ARHGEF18: variants seen among roughly 807,000 people sequenced by gnomAD.
ARHGEF18 encodes the protein rho guanine nucleotide exchange factor 18.
A neutral mutation model predicts 155.7 loss-of-function variants in ARHGEF18; 93 were observed. The observed-to-expected ratio is 0.60, with a 90% CI of 0.50 to 0.71. The LOEUF is 0.71. ARHGEF18 is among the 30% of genes least tolerant of loss of function. The pLI is 0.00. For missense variants in ARHGEF18, 1,593 were observed against 1,816.1 expected (o/e 0.88, Z 2.23); for synonymous variants, 742 against 753.1 (o/e 0.99, Z 0.24).
chr19:7,379,019 T>C (rs1970599546), intron 6 of ARHGEF18, 103 bp from the exon 7 acceptor site: 2 of 1,027,266 alleles, frequency 1.9e-6, no homozygotes, highest in Non-Finnish European at 2.5e-6. Flanking sequence ...AGGGTCTGCA[T>C]CAGGACCTGA....
intron 10 of ARHGEF18, among the ~76,000 whole-genome samples, chr19:7,391,401 C>T (rs1971393035): frequency 6.6e-6 from 1 of 152,130 alleles, no homozygotes; most frequent in African/African-American, 2.4e-5. Flanking sequence ...GAACAGACAC[C>T]ACGCCAGACA....
In ARHGEF18 at chr19:7,444,248, A is replaced by G. The variant is rs763146269; in HGVS notation, c.1405A>G (p.Met469Val). The G allele has an allele frequency of 6.2e-6, 10 of 1,613,516 alleles. No individual in the cohort carries two copies. Among genetic ancestry groups the G allele is most frequent in the Non-Finnish European group, 8.5e-6 (10 of 1,180,024 alleles). The stretch of plus-strand genomic sequence containing the variant: ...GCACCACGTGCGGACGCTCAAGATC[A>G]TGCTGAAGGTGTACTCCAGGGCCCT... ...EVHHVRTLKI[M>V]LKVYSRALQE... The change falls in exon 14 of 29, where the codon ATG becomes GTG. Residue 469 changes from methionine to valine, a missense_variant. Physicochemically the swap from Met to Val is conservative, Grantham distance 21. Coordinates refer to ENST00000668164, the MANE Select transcript of ARHGEF18 (RefSeq NM_001367823.1). This position sits in a 1 kb window ranked among gnomAD's most constrained non-coding sequence, Gnocchi z 4.7.
Position 7,451,138 on chromosome 19 carries a change from C to T in ARHGEF18, c.1738-11C>T, listed in dbSNP as rs199982829. The T allele has an allele frequency of 1.2e-6, 2 of 1,612,536 alleles. No homozygotes were observed. The highest frequency in any genetic ancestry group is 1.6e-4 in the Middle Eastern group (1 of 6,062). ...AGATGTTAATACAGGATCTTGCTTT[C>T]TGTTTCCTAGAAAATTGGCAACTTC... On this transcript the variant is annotated splice_polypyrimidine_tract_variant and intron_variant, in intron 15 of 28. Transcript: ENST00000668164.
At chr19:7,358,240 T>TCCATCCATCCATCCAC (rs1568261553) in intron 1 of ARHGEF18, among the ~76,000 whole-genome samples, 5 of 148,860 alleles carry the variant, frequency 3.4e-5, no homozygotes, top group East Asian at 2.0e-4. Context: ...CATCCATCCA[T>TCCATCCATCCATCCAC]CCACCCATCC....
At chr19:7,414,058 C>G (rs1972848678) in intron 10 of ARHGEF18, among the ~76,000 whole-genome samples, 1 of 152,048 alleles carries the variant, frequency 6.6e-6, no homozygotes, top group Admixed American at 6.6e-5. Context: ...TCAGGGTTTC[C>G]CAGCCTAGAT....
Position 7,362,071 on chromosome 19 carries a change from G to A in ARHGEF18, c.-110-710G>A, listed in dbSNP as rs867118139. ...GGAGAAGGAGAAGGAGAAGGAGAAG[G>A]AGAAGGAGAAGGAGAAGGAGAAGGA... On this transcript the variant is annotated intron_variant, in intron 1 of 28. Coordinates refer to ENST00000668164, the MANE Select transcript of ARHGEF18 (RefSeq NM_001367823.1). Among the ~76,000 whole-genome samples the A allele has an allele frequency of 8.6e-3, 374 of 43,496 alleles. 10 individuals are homozygous for A. The highest frequency in any genetic ancestry group is 0.078 in the East Asian group (119 of 1,534). 28.5% of individuals were successfully genotyped at this position (43,496 alleles called of 152,430 possible).
chr19:7,400,472 G>A (rs1213927525), intron 10 of ARHGEF18, among the ~76,000 whole-genome samples: 1 of 152,132 alleles, frequency 6.6e-6, no homozygotes, highest in Non-Finnish European at 1.5e-5. Context: ...ATTCTTATGG[G>A]TGGGTTTCAG....
At chr19:7,401,877 C>G (rs1972033286) in intron 10 of ARHGEF18, among the ~76,000 whole-genome samples, 1 of 152,150 alleles carries the variant, frequency 6.6e-6, no homozygotes, top group Non-Finnish European at 1.5e-5. Context: ...TCCCGCCATA[C>G]TGTGGAATAT....
chr19:7,376,763 C>T lies in ARHGEF18; in HGVS notation c.541+6C>T, dbSNP rs72992618. ...GCCCACTCCACCTGTTCAAGGTAGC[C>T]AGCCTGGGAGTTTCCTTCATTCAAA... On this transcript the variant is annotated splice_donor_region_variant and intron_variant, in intron 5 of 28. Coordinates refer to ENST00000668164, the MANE Select transcript of ARHGEF18 (RefSeq NM_001367823.1). The T allele has an allele frequency of 0.26, 315,340 of 1,232,972 alleles. 41,472 individuals carry two copies. Among genetic ancestry groups the T allele is most frequent in the Non-Finnish European group, 0.27 (266,272 of 986,992 alleles). 76.4% of individuals were successfully genotyped at this position (1,232,972 alleles called of 1,614,324 possible). A position where few individuals can be genotyped will look rare whatever the true frequency, so the allele number is the denominator to read the frequency against.
chr19:7,467,657 C>A lies in ARHGEF18; in HGVS notation c.3453C>A (p.Gly1151=). The change falls in exon 26 of 29, where the codon GGC becomes GGA. Residue 1151 remains glycine (G), a synonymous_variant. Coordinates refer to ENST00000668164, the MANE Select transcript of ARHGEF18 (RefSeq NM_001367823.1). ...TCAAGAAGCAGAACACCGCGCCAGG[C>A]GCGCTGCCGCCCGACACACTGGCCG... is the stretch of plus-strand genomic sequence containing the variant. ...RRLKKQNTAP[G]ALPPDTLAEA... The A allele has an allele frequency of 6.6e-7, 1 of 1,513,082 alleles. No homozygotes were observed. The highest frequency in any genetic ancestry group is 1.2e-5 in the South Asian group (1 of 81,726). 93.7% of individuals were successfully genotyped at this position (1,513,082 alleles called of 1,614,324 possible). A position where few individuals can be genotyped will look rare whatever the true frequency, so the allele number is the denominator to read the frequency against.
At chr19:7,460,990 T>C (rs955898350) in intron 20 of ARHGEF18, among the ~76,000 whole-genome samples, 4 of 151,994 alleles carry the variant, frequency 2.6e-5, no homozygotes, top group African/African-American at 9.7e-5. Flanking sequence ...GGTTTCACCA[T>C]GTTGGCCAGG....
rs1477819405 is a variant in ARHGEF18 at position 7,467,531 on chromosome 19, G to T, written c.3327G>T (p.Leu1109=). The change falls in exon 26 of 29, where the codon CTG becomes CTT. Residue 1109 remains leucine (L), a synonymous_variant. Transcript: ENST00000668164. ...GGCTGGAGCAGGAGCGGGCCGAGCT[G>T]GAGCGCCAGCGCCAGGCCTACCAGC... ...RERLEQERAE[L]ERQRQAYQHD... The T allele has an allele frequency of 1.4e-6, 2 of 1,444,898 alleles. No homozygotes were observed. The highest frequency in any genetic ancestry group is 9.0e-7 in the Non-Finnish European group (1 of 1,110,424). 89.5% of individuals were successfully genotyped at this position (1,444,898 alleles called of 1,614,324 possible).
At chr19:7,474,064 C>G (rs1306519052), downstream of ARHGEF18, among the ~76,000 whole-genome samples, 1 of 151,390 alleles carries the variant, frequency 6.6e-6, no homozygotes, top group Non-Finnish European at 1.5e-5. Flanking sequence ...AAGGGCTGGA[C>G]GCAGTGGCTC....
At chr19:7,372,628 T>C (rs1358729644) in intron 2 of ARHGEF18, among the ~76,000 whole-genome samples, 184 bp from the exon 3 acceptor site, 1 of 152,140 alleles carries the variant, frequency 6.6e-6, no homozygotes, top group Non-Finnish European at 1.5e-5. Context: ...GACAGGGGAC[T>C]GGGGGACTAC....
At position 7,420,522 on chromosome 19, in the gene ARHGEF18, G is replaced by A. The variant is rs529167931; in HGVS notation, c.968-19822G>A. 1.8e-4 allele frequency among the ~76,000 whole-genome samples: 28 copies of A among 152,302 alleles called. No individual in the cohort carries two copies. In the East Asian group the frequency reaches 4.8e-3, roughly 26 times the overall value. The stretch of plus-strand genomic sequence containing the variant: ...CCCACCTCGGCCTCCCAAAGTGCTG[G>A]GATTCCAGGCGTGAGCCCCCACGCC... On this transcript the variant is annotated intron_variant, in intron 10 of 28. Coordinates refer to ENST00000668164, the MANE Select transcript of ARHGEF18 (RefSeq NM_001367823.1).
chr19:7,463,786 G>A lies in ARHGEF18; in HGVS notation c.2636-32G>A, dbSNP rs750341778. 2.0e-5 allele frequency: 32 copies of A among 1,577,494 alleles called. No individual in the cohort carries two copies. Among genetic ancestry groups the A allele is most frequent in the Admixed American group, 1.4e-4 (8 of 55,278 alleles). ...TTCCCCCAGCACACTTCCGCAGGGC[G>A]ACCCGTGCCTCCTGTCCCCTTCCTT... is the stretch of plus-strand genomic sequence containing the variant. On this transcript the variant is annotated intron_variant, in intron 21 of 28. Transcript: ENST00000668164. This position sits in a 1 kb window ranked among gnomAD's most constrained non-coding sequence, Gnocchi z 5.2.
the ARHGEF18 span, among the ~76,000 whole-genome samples, chr19:7,479,515 C>T: frequency 6.6e-6 from 1 of 152,186 alleles, no homozygotes; most frequent in African/African-American, 2.4e-5. Flanking sequence ...GGGCGCCGGA[C>T]CCAGGCATCT....
downstream of ARHGEF18, chr19:7,472,883 G>A (rs2145934232): frequency 2.3e-6 from 1 of 426,952 alleles, no homozygotes; most frequent in South Asian, 1.6e-5. Flanking sequence ...TATTTTTTTA[G>A]TAGACATGGG....
chr19:7,368,133 T>C (rs1970027277), intron 2 of ARHGEF18, among the ~76,000 whole-genome samples: 1 of 151,756 alleles, frequency 6.6e-6, no homozygotes, highest in Non-Finnish European at 1.5e-5. Context: ...CAGGGACACA[T>C]TATGCTTTGG....
Sources: allele counts gnomAD v4.1 joint callset (sites outside exome capture counted in the v4.1 genomes callset), GRCh38; gene constraint gnomAD v4.1.1; non-coding constraint Gnocchi (gnomAD v3.1); transcripts MANE v1.5; gene names NCBI Gene and HGNC (gene_info 2026-07-23, HGNC 2026-07-21).